DGKB: variants seen among roughly 807,000 people sequenced by gnomAD.
The protein encoded by DGKB is diacylglycerol kinase beta, also known as 90 kDa diacylglycerol kinase.
In DGKB, 67 loss-of-function variants were observed where a neutral mutation model predicts 114.3. The observed-to-expected ratio is 0.59, with a 90% CI of 0.48 to 0.72. DGKB has a LOEUF of 0.72. Ranked by LOEUF, DGKB falls within the 30% of genes least tolerant of loss-of-function variation. The probability of loss-of-function intolerance (pLI) is 0.00; values close to 1 mark genes in which losing one functional copy is unlikely to be tolerated. For synonymous variants in DGKB, 398 were observed against 323.1 expected (o/e 1.23, Z -2.49); for missense variants, 907 against 975.2 (o/e 0.93, Z 0.93).
At chr7:14,237,656 G>A (rs1360784999) in intron 23 of DGKB, among the ~76,000 whole-genome samples, 1 of 151,872 alleles carries the variant, frequency 6.6e-6, no homozygotes, top group Admixed American at 6.6e-5. Flanking sequence ...AAACAGGCCT[G>A]AGAGCAACAA....
chr7:14,860,155 A>G (rs868220215), intron 1 of DGKB, among the ~76,000 whole-genome samples: 24 of 152,226 alleles, frequency 1.6e-4, no homozygotes, highest in South Asian at 4.1e-4. Flanking sequence ...TCCTTGTTCA[A>G]TACTGTCTTT....
chr7:14,161,836 T>G (rs973910553), intron 25 of DGKB, among the ~76,000 whole-genome samples: 1 of 152,168 alleles, frequency 6.6e-6, no homozygotes, highest in Non-Finnish European at 1.5e-5. Flanking sequence ...AAAAAGTCTT[T>G]GAGTTTTTTA....
intron 2 of DGKB, among the ~76,000 whole-genome samples, chr7:14,806,165 C>G (rs1192662045): frequency 1.3e-5 from 2 of 151,866 alleles, no homozygotes; most frequent in Non-Finnish European, 2.9e-5. Context: ...CTTGTTATGA[C>G]TCTAGCTTAA....
rs537328113 is a variant in DGKB, at chr7:14,582,910, G to T, written c.1519+142C>A. 1.7e-4 allele frequency: 116 copies of T among 680,362 alleles called. 1 individual carries two copies. The African/African-American group carries it at 1.8e-3, about 11-fold the overall frequency. The allele number at this position is 680,362 out of a possible 1,614,324, so 42.1% of individuals were successfully genotyped here. A position where few individuals can be genotyped will look rare whatever the true frequency, so the allele number is the denominator to read the frequency against. Reference sequence around the variant, plus strand: ...GAATTTTTGAACTACAGAATAATAAGTTAAACCAGTGTGCAACCTTCCAGA... The same window carrying T: ...GAATTTTTGAACTACAGAATAATAATTTAAACCAGTGTGCAACCTTCCAGA... On this transcript the variant is annotated intron_variant, in intron 18 of 25. Transcript: ENST00000402815.
At chr7:14,241,562 A>AT (rs1393081590) in intron 23 of DGKB, among the ~76,000 whole-genome samples, 1 of 152,064 alleles carries the variant, frequency 6.6e-6, no homozygotes, top group African/African-American at 2.4e-5. Flanking sequence ...ACTAAATAAA[A>AT]ATATATTGCA....
intron 23 of DGKB, among the ~76,000 whole-genome samples, chr7:14,322,588 A>G (rs972385494): frequency 5.3e-5 from 8 of 152,192 alleles, no homozygotes; most frequent in African/African-American, 2.4e-5. Context: ...AAGCAATAAG[A>G]AAAAAGTAAT....
Position 14,621,505 on chromosome 7 carries a change from G to A in DGKB, c.1168-11C>T. The A allele has an allele frequency of 6.8e-7, 1 of 1,478,760 alleles. No homozygotes were observed. Among genetic ancestry groups the A allele is most frequent in the South Asian group, 1.3e-5 (1 of 79,852 alleles). 91.6% of individuals were successfully genotyped at this position (1,478,760 alleles called of 1,614,324 possible). A position where few individuals can be genotyped will look rare whatever the true frequency, so the allele number is the denominator to read the frequency against. On this transcript the variant is annotated splice_polypyrimidine_tract_variant and intron_variant, in intron 14 of 25. Coordinates refer to ENST00000402815, the MANE Select transcript of DGKB (RefSeq NM_001350709.2). The stretch of plus-strand genomic sequence containing the variant: ...TGTTGATTGTCTTTCCTGTAAAAAA[G>A]AAAATTTTGATAAAAATAAAAATTA...
chr7:14,539,023 T>C (rs568459818), intron 20 of DGKB, among the ~76,000 whole-genome samples: 3 of 152,210 alleles, frequency 2.0e-5, no homozygotes, highest in Non-Finnish European at 4.4e-5. Context: ...AAGTTTGTTA[T>C]ACAAAATGAG....
chr7:14,594,179 C>T (rs529783883), intron 17 of DGKB, among the ~76,000 whole-genome samples: 1 of 152,164 alleles, frequency 6.6e-6, no homozygotes, highest in South Asian at 2.1e-4. Flanking sequence ...TTTCTCTCAT[C>T]TGTAAGTGTG....
At chr7:14,805,166 A>T (rs1200611453) in intron 2 of DGKB, among the ~76,000 whole-genome samples, 1 of 152,074 alleles carries the variant, frequency 6.6e-6, no homozygotes, top group East Asian at 1.9e-4. Context: ...AATTTATGTT[A>T]GTGAATTGCT....
intron 20 of DGKB, among the ~76,000 whole-genome samples, chr7:14,492,225 T>C (rs998906558): frequency 2.0e-5 from 3 of 152,138 alleles, no homozygotes; most frequent in South Asian, 4.1e-4. Context: ...AACTAGTCTA[T>C]TGAGGACTTT....
At chr7:14,258,235 G>A (rs138795893) in intron 23 of DGKB, among the ~76,000 whole-genome samples, 2 of 152,310 alleles carry the variant, frequency 1.3e-5, no homozygotes, top group African/African-American at 4.8e-5. Context: ...AAGTATGGTT[G>A]AATTTAATTT....
chr7:14,642,984 A>G (rs948964465), intron 13 of DGKB, among the ~76,000 whole-genome samples: 1 of 152,212 alleles, frequency 6.6e-6, no homozygotes, highest in Non-Finnish European at 1.5e-5. Context: ...TCCCGACACC[A>G]TCAAGATGGC....
chr7:14,715,380 G>A (rs977693337), intron 6 of DGKB, among the ~76,000 whole-genome samples: 4 of 152,104 alleles, frequency 2.6e-5, no homozygotes, highest in South Asian at 2.1e-4. Context: ...AAGAGAGGTT[G>A]TTGACTTTCC....
chr7:14,233,453 G>T (rs1792229086), intron 23 of DGKB, among the ~76,000 whole-genome samples: 1 of 151,840 alleles, frequency 6.6e-6, no homozygotes, highest in Non-Finnish European at 1.5e-5. Context: ...TTTCCTTTTT[G>T]CTATCTTGCA....
chr7:14,301,517 T>C (rs1197568426), intron 23 of DGKB, among the ~76,000 whole-genome samples: 1 of 152,156 alleles, frequency 6.6e-6, no homozygotes, highest in East Asian at 1.9e-4. Flanking sequence ...CTGTTTAAAT[T>C]AATCCTCATA....
chr7:14,177,976 T>A lies in DGKB; in HGVS notation c.2243+55A>T, dbSNP rs1198278167. ...TATCAGAGTTCTGCATACTTTTAAT[T>A]AGTTTGAGGCTATGCCATATCAAAC... On this transcript the variant is annotated intron_variant, in intron 24 of 25. Transcript: ENST00000402815. 6 of 1,474,858 alleles carry A rather than the reference T, an allele frequency of 4.1e-6. No individual in the cohort carries two copies. The African/African-American group carries it at 7.2e-5, about 18-fold the overall frequency. 91.4% of individuals were successfully genotyped at this position (1,474,858 alleles called of 1,614,324 possible).
intron 13 of DGKB, among the ~76,000 whole-genome samples, chr7:14,635,930 T>A (rs1237779844): frequency 1.3e-5 from 2 of 151,608 alleles, no homozygotes; most frequent in Non-Finnish European, 3.0e-5. Flanking sequence ...AGAATACAAA[T>A]ATAGCACTAT....
chr7:14,937,309 C>T (rs935090990), intron 1 of DGKB, among the ~76,000 whole-genome samples: 7 of 152,038 alleles, frequency 4.6e-5, no homozygotes, highest in Admixed American at 1.3e-4. Context: ...TATAAAAAGA[C>T]GCTCTCCTTT....
Sources: allele counts gnomAD v4.1 joint callset (sites outside exome capture counted in the v4.1 genomes callset), GRCh38; gene constraint gnomAD v4.1.1; transcripts MANE v1.5; gene names NCBI Gene and HGNC (gene_info 2026-07-23, HGNC 2026-07-21).